LRRIQ1: variants seen among roughly 807,000 people sequenced by gnomAD.
LRRIQ1 encodes leucine rich repeats and IQ motif containing 1.
Under a neutral mutation model 211.9 loss-of-function variants are expected in LRRIQ1, and 210 were observed. The observed-to-expected ratio is 0.99, with a 90% confidence interval of 0.89 to 1.11. The LOEUF (loss-of-function observed/expected upper bound fraction) is 1.11, where lower values mean the gene tolerates loss of function less well. Among genes scored for constraint, LRRIQ1 ranks in the 50% most tolerant of loss-of-function variants. LRRIQ1 has a pLI of 0.00. For synonymous variants in LRRIQ1, 699 were observed against 650.1 expected (o/e 1.08, Z -1.14); for missense variants, 2,136 against 1,939.5 (o/e 1.10, Z -1.90).
At chr12:85,105,240 T>C (rs1000366175) in intron 14 of LRRIQ1, among the ~76,000 whole-genome samples, 1 of 152,214 alleles carries the variant, frequency 6.6e-6, no homozygotes, top group Admixed American at 6.5e-5. Context: ...TATTTTTGTG[T>C]GTCCTTTTAT....
rs149387960 is a variant in LRRIQ1 at position 85,057,005 on chromosome 12, A to G, written c.2212A>G (p.Ile738Val). ...ATCAGAGTCAACCCTTCTATATTCT[A>G]TTGAAGAAAGGAGACTAGCCTGGAT... is the stretch of plus-strand genomic sequence containing the variant. ...CVSESTLLYS[I>V]EERRLAWIKS... Residue 738 changes from isoleucine (I) to valine (V), a missense_variant, in exon 8 of 27, where the codon ATT becomes GTT. Physicochemically the swap from Ile to Val is conservative, Grantham distance 29. Transcript: ENST00000393217. 40 of 1,605,976 alleles carry G rather than the reference A, an allele frequency of 2.5e-5. No homozygotes were observed. The East Asian group carries it at 3.6e-4, about 14-fold the overall frequency.
chr12:85,060,838 A>G (rs1312732786), intron 8 of LRRIQ1, among the ~76,000 whole-genome samples: 1 of 151,940 alleles, frequency 6.6e-6, no homozygotes, highest in Non-Finnish European at 1.5e-5. Flanking sequence ...GAACTCAAGA[A>G]TAATTGAGAA....
At position 85,152,341 on chromosome 12, in the gene LRRIQ1, T is replaced by A; in HGVS notation, c.4391T>A (p.Leu1464His). The A allele has an allele frequency of 6.2e-7, 1 of 1,611,444 alleles. No individual in the cohort carries two copies. The highest frequency in any genetic ancestry group is 8.5e-7 in the Non-Finnish European group (1 of 1,178,342). ...DSTRFPSQTL[L>H]LSNQLHWPKI... ...ACCCGCTTCCCTTCACAAACACTGC[T>A]TCTTTCAAACCAGCTGCATTGGCCA... The change falls in exon 20 of 27, where the codon CTT becomes CAT. Residue 1464 changes from leucine (L) to histidine (H), a missense_variant. By Grantham distance (99) the Leu-to-His change is moderately conservative. Coordinates refer to ENST00000393217, the MANE Select transcript of LRRIQ1 (RefSeq NM_001079910.2).
intron 26 of LRRIQ1, among the ~76,000 whole-genome samples, chr12:85,235,900 T>G (rs950672765): frequency 3.3e-5 from 5 of 152,142 alleles, no homozygotes; most frequent in African/African-American, 9.7e-5. Flanking sequence ...AAAAGAATAG[T>G]AAGTTGTGTC....
intron 24 of LRRIQ1, among the ~76,000 whole-genome samples, chr12:85,197,931 A>T (rs1190081224): frequency 5.4e-5 from 6 of 111,650 alleles, no homozygotes; most frequent in African/African-American, 1.7e-4. Context: ...TATATAATAT[A>T]ATTATATATA....
chr12:85,051,172 CCTCTCTCT>C (rs148108462), intron 6 of LRRIQ1, among the ~76,000 whole-genome samples: 5 of 147,464 alleles, frequency 3.4e-5, no homozygotes, highest in East Asian at 2.0e-4. Context: ...AGCACTTTCT[CCTCTCTCT>C]CTCTCTCTCT....
intron 7 of LRRIQ1, 66 bp from the exon 8 acceptor site, chr12:85,055,481 G>A: frequency 8.1e-7 from 1 of 1,228,568 alleles, no homozygotes; most frequent in East Asian, 2.8e-5. Context: ...CTACATTTCA[G>A]ATGACATTTT....
In LRRIQ1 at chr12:85,153,993, A is replaced by G; in HGVS notation, c.4638-19A>G. The G allele has an allele frequency of 2.0e-6, 3 of 1,479,728 alleles. No homozygotes were observed. Among genetic ancestry groups the G allele is most frequent in the Non-Finnish European group, 2.7e-6 (3 of 1,097,386 alleles). 91.7% of individuals were successfully genotyped at this position (1,479,728 alleles called of 1,614,324 possible). On this transcript the variant is annotated intron_variant, in intron 22 of 26. Transcript: ENST00000393217. ...TCCGGGTATTTGTTTTACCTTTATT[A>G]TATTTAATCTTTTAATAGGGGCTTT...
intron 24 of LRRIQ1, among the ~76,000 whole-genome samples, chr12:85,180,837 A>G (rs760049321): frequency 9.2e-5 from 14 of 151,758 alleles, no homozygotes; most frequent in Non-Finnish European, 1.5e-4. Flanking sequence ...GAAATATTAC[A>G]TTTTAAAATA....
the LRRIQ1 span, among the ~76,000 whole-genome samples, chr12:85,270,477 A>G: frequency 6.6e-6 from 1 of 152,090 alleles, no homozygotes; most frequent in African/African-American, 2.4e-5. Context: ...AACTTCACAG[A>G]AATTTATTTC....
chr12:85,047,329 G>A lies in LRRIQ1; in HGVS notation c.537G>A (p.Lys179=), dbSNP rs778254279. 7 of 1,611,116 alleles carry A rather than the reference G, an allele frequency of 4.3e-6. No homozygotes were observed. The highest frequency in any genetic ancestry group is 4.5e-5 in the East Asian group (2 of 44,702). ...TTGAGGCTTGGCAAGAGAAACAGAA[G>A]GAATTAGAAGATAAAGAGAAACAAA... The part of the protein sequence containing the change: ...QSFEAWQEKQ[K]ELEDKEKQTL... Residue 179 remains lysine, a synonymous_variant, in exon 6 of 27, where the codon AAG becomes AAA. Coordinates refer to ENST00000393217, the MANE Select transcript of LRRIQ1 (RefSeq NM_001079910.2).
chr12:85,080,837 T>C (rs1884207431), intron 11 of LRRIQ1, among the ~76,000 whole-genome samples: 1 of 152,046 alleles, frequency 6.6e-6, no homozygotes, highest in South Asian at 2.1e-4. Context: ...TTGTTGTTTT[T>C]CTTTATTTTT....
rs191715500 is a variant in LRRIQ1 at position 85,230,492 on chromosome 12, A to G, written c.4955+843A>G. Among the ~76,000 whole-genome samples, 113 of 152,282 alleles carry G rather than the reference A, an allele frequency of 7.4e-4. 1 individual carries two copies. The highest frequency in any genetic ancestry group is 2.4e-3 in the Admixed American group (37 of 15,294). On this transcript the variant is annotated intron_variant, in intron 25 of 26. Transcript: ENST00000393217. Reference sequence around the variant, plus strand: ...TGATATTGGATTAAGGCACACCTATATGATCTTATCTACCTTATTACCTCT... The same window carrying G: ...TGATATTGGATTAAGGCACACCTATGTGATCTTATCTACCTTATTACCTCT...
intron 1 of LRRIQ1, among the ~76,000 whole-genome samples, chr12:85,257,252 A>AT (rs1277281510): frequency 1.4e-5 from 2 of 138,050 alleles, no homozygotes; most frequent in African/African-American, 5.4e-5. Context: ...ATCCAGATCC[A>AT]TAAAAAAAGA....
intron 1 of LRRIQ1, among the ~76,000 whole-genome samples, chr12:85,256,479 G>A (rs181145957): frequency 6.6e-6 from 1 of 151,722 alleles, no homozygotes; most frequent in African/African-American, 2.4e-5. Flanking sequence ...AAACTGGAGT[G>A]AAATAACATA....
chr12:85,196,142 G>T (rs1389926273), intron 24 of LRRIQ1, among the ~76,000 whole-genome samples: 1 of 152,030 alleles, frequency 6.6e-6, no homozygotes. Flanking sequence ...CCTTTTCAAG[G>T]AGAACTACAA....
At chr12:85,087,391 C>T (rs975672040) in intron 11 of LRRIQ1, among the ~76,000 whole-genome samples, 1 of 152,108 alleles carries the variant, frequency 6.6e-6, no homozygotes, top group African/African-American at 2.4e-5. Flanking sequence ...GTGAATAGTG[C>T]CGCAATAAAC....
chr12:85,269,029 G>A (rs915024485), downstream of LRRIQ1, among the ~76,000 whole-genome samples: 1 of 151,908 alleles, frequency 6.6e-6, no homozygotes, highest in East Asian at 1.9e-4. Context: ...ATGAATTAAC[G>A]AAAGCATTTT....
At chr12:85,096,025 C>T (rs1481315462) in intron 11 of LRRIQ1, among the ~76,000 whole-genome samples, 2 of 152,026 alleles carry the variant, frequency 1.3e-5, no homozygotes, top group Non-Finnish European at 2.9e-5. Flanking sequence ...TGTTGTTTCT[C>T]AAGACACTTA....
Sources: gnomAD v4.1 joint callset for allele counts (sites outside exome capture counted in the v4.1 genomes callset) on GRCh38, gnomAD v4.1.1 for gene constraint, MANE v1.5 for transcripts, NCBI Gene and HGNC (gene_info 2026-07-23, HGNC 2026-07-21) for gene names.